TM9SF4: variants seen among roughly 807,000 people sequenced by gnomAD.
TM9SF4 encodes transmembrane 9 superfamily member 4.
Under a neutral mutation model 90.4 loss-of-function variants are expected in TM9SF4, and 26 were observed. The observed-to-expected ratio is 0.29, with a 90% CI of 0.21 to 0.40. The LOEUF is 0.40. Ranked by LOEUF, TM9SF4 falls within the 10% of genes least tolerant of loss-of-function variation. The pLI is 1.00. For synonymous variants in TM9SF4, 293 were observed against 315.4 expected, an observed-to-expected ratio of 0.93 and a Z score of 0.75; for missense variants, 549 against 834.8, an observed-to-expected ratio of 0.66 and a Z score of 4.22.
At chr20:32,121,461 T>G (rs1258664245) in intron 1 of TM9SF4, among the ~76,000 whole-genome samples, 1 of 152,018 alleles carries the variant, frequency 6.6e-6, no homozygotes, top group Non-Finnish European at 1.5e-5. Flanking sequence ...TGCACCGCCC[T>G]TAATCCATTT....
rs1467872499 is a variant in TM9SF4 at position 32,150,204 on chromosome 20, T to A, written c.1088-418T>A. ...CATCTCAGCCTCATGCCTCCAAGCT[T>A]TGTGACCTTGGACAGGCCACTTGAC... On this transcript the variant is annotated intron_variant, in intron 10 of 17. Transcript: ENST00000398022. Among the ~76,000 whole-genome samples, 3 of 152,234 alleles carry A rather than the reference T, an allele frequency of 2.0e-5. No individual in the cohort carries two copies. The East Asian group carries it at 5.8e-4, about 29-fold the overall frequency.
intron 6 of TM9SF4, 118 bp downstream of exon 6, chr20:32,143,223 G>A: frequency 2.3e-6 from 3 of 1,281,248 alleles, no homozygotes; most frequent in Non-Finnish European, 3.2e-6. Flanking sequence ...TGGCGTGTGG[G>A]CCCAGCCAAG....
intron 3 of TM9SF4, among the ~76,000 whole-genome samples, chr20:32,138,456 C>T (rs1457388853): frequency 6.6e-6 from 1 of 152,166 alleles, no homozygotes; most frequent in Admixed American, 6.5e-5. Context: ...TACTAAAATA[C>T]AAAATTTAAA....
chr20:32,147,669 A>G (rs2046782560), intron 9 of TM9SF4, among the ~76,000 whole-genome samples: 1 of 152,172 alleles, frequency 6.6e-6, no homozygotes, highest in Admixed American at 6.5e-5. Flanking sequence ...CCTGACCAAC[A>G]TGTGAAAACT....
intron 1 of TM9SF4, among the ~76,000 whole-genome samples, chr20:32,123,454 G>A (rs559431526): frequency 6.7e-6 from 1 of 148,854 alleles, no homozygotes; most frequent in Admixed American, 6.7e-5. Flanking sequence ...ATGATGCTGA[G>A]CATCTTTTTG....
intron 1 of TM9SF4, among the ~76,000 whole-genome samples, chr20:32,115,216 C>A (rs2046201749): frequency 6.6e-6 from 1 of 152,174 alleles, no homozygotes; most frequent in South Asian, 2.1e-4. Flanking sequence ...TGCCCTTAAT[C>A]CCCCTCAGGA....
intron 1 of TM9SF4, among the ~76,000 whole-genome samples, chr20:32,119,750 C>G (rs1217878600): frequency 6.6e-6 from 1 of 151,922 alleles, no homozygotes; most frequent in Non-Finnish European, 1.5e-5. Flanking sequence ...TTGCCTAACC[C>G]AAGATCACAA....
In TM9SF4 at chr20:32,149,636, A is replaced by T; in HGVS notation, c.957A>T (p.Glu319Asp). Reference sequence around the variant, plus strand: ...CTCACTCTGGCCCTTCGCTGCAGGAAGACACCATGGAGGAGTCTGGGTGGA... The same window carrying T: ...CTCACTCTGGCCCTTCGCTGCAGGATGACACCATGGAGGAGTCTGGGTGGA... ...IANYNKEDDI[E>D]DTMEESGWKL... Residue 319 changes from glutamate (E) to aspartate (D), a missense_variant and splice_region_variant, in exon 10 of 18, where the codon GAA becomes GAT. Physicochemically the swap from Glu to Asp is conservative, Grantham distance 45. Coordinates refer to ENST00000398022, the MANE Select transcript of TM9SF4 (RefSeq NM_014742.4). The T allele has an allele frequency of 6.2e-7, 1 of 1,614,208 alleles. No homozygotes were observed. The highest frequency in any genetic ancestry group is 8.5e-7 in the Non-Finnish European group (1 of 1,180,040).
intron 1 of TM9SF4, among the ~76,000 whole-genome samples, chr20:32,119,418 G>T (rs1423348900): frequency 6.6e-6 from 1 of 152,100 alleles, no homozygotes; most frequent in African/African-American, 2.4e-5. Flanking sequence ...TTTGGTTTGC[G>T]TTTTCCTATT....
intron 1 of TM9SF4, chr20:32,116,370 G>C (rs2046222853): frequency 6.6e-6 from 1 of 152,180 alleles, no homozygotes; most frequent in Non-Finnish European, 1.5e-5. Context: ...CCTGCTGCTT[G>C]GGCTAGCTGA....
At chr20:32,110,359 C>CTAGGG (rs2046124962) in intron 1 of TM9SF4, among the ~76,000 whole-genome samples, 1 of 152,110 alleles carries the variant, frequency 6.6e-6, no homozygotes, top group African/African-American at 2.4e-5. Flanking sequence ...CCCTGCCCTT[C>CTAGGG]CTGTCTTCTC....
chr20:32,113,800 AAG>A lies in TM9SF4; in HGVS notation c.15+4050_15+4051del, dbSNP rs574163782. Among the ~76,000 whole-genome samples, 34 of 152,306 alleles carry A rather than the reference AAG, an allele frequency of 2.2e-4. 1 individual carries two copies. In the Middle Eastern group the frequency reaches 0.01, roughly 46 times the overall value. ...ATTCGGAACATTTCATCACCCCAAA[AAG>A]AGAGTCACTCCCTACTCTTCCCTCC... is the stretch of plus-strand genomic sequence containing the variant. On this transcript the variant is annotated intron_variant, in intron 1 of 17. Coordinates refer to ENST00000398022, the MANE Select transcript of TM9SF4 (RefSeq NM_014742.4).
intron 15 of TM9SF4, 92 bp from the exon 16 acceptor site, chr20:32,159,900 T>A: frequency 6.4e-7 from 1 of 1,557,224 alleles, no homozygotes; most frequent in South Asian, 1.2e-5. Context: ...GTCATGATGA[T>A]GTGTCCACTC....
chr20:32,162,673 C>G (rs2047034506), intron 17 of TM9SF4, among the ~76,000 whole-genome samples: 1 of 152,198 alleles, frequency 6.6e-6, no homozygotes, highest in African/African-American at 2.4e-5. Flanking sequence ...CCCATTCTTT[C>G]TGGACAGCTC....
At position 32,146,724 on chromosome 20, in the gene TM9SF4, A is replaced by G; in HGVS notation, c.884-61A>G. The G allele has an allele frequency of 3.3e-6, 5 of 1,536,516 alleles. No homozygotes were observed. In the South Asian group the frequency reaches 4.5e-5, roughly 14 times the overall value. Reference sequence around the variant, plus strand: ...AGTAAAACATCATGTCTAGGAGGGCATGGAGCATGGGCTTGCTGGCAGCGC... The same window carrying G: ...AGTAAAACATCATGTCTAGGAGGGCGTGGAGCATGGGCTTGCTGGCAGCGC... On this transcript the variant is annotated intron_variant, in intron 8 of 17. Coordinates refer to ENST00000398022, the MANE Select transcript of TM9SF4 (RefSeq NM_014742.4).
chr20:32,149,576 C>G, intron 9 of TM9SF4, 58 bp from the exon 10 acceptor site: 1 of 1,612,840 alleles, frequency 6.2e-7, no homozygotes, highest in Non-Finnish European at 8.5e-7. Flanking sequence ...TGGGGGTGGT[C>G]CCTGCAAGAG....
Position 32,145,399 on chromosome 20 carries a change from G to A in TM9SF4, c.859G>A (p.Val287Ile), listed in dbSNP as rs760718030. The A allele has an allele frequency of 3.1e-6, 5 of 1,613,986 alleles. 1 individual carries two copies. The highest frequency in any genetic ancestry group is 2.2e-5 in the East Asian group (1 of 44,890). Residue 287 changes from valine to isoleucine, a missense_variant, in exon 8 of 18, where the codon GTT becomes ATT. Coordinates refer to ENST00000398022, the MANE Select transcript of TM9SF4 (RefSeq NM_014742.4). ...QIHWFSIINSVVVVFFLSGIL... is the reference protein window; with the variant it reads ...QIHWFSIINSIVVVFFLSGIL... ...CCACTGGTTTTCTATCATTAACTCCGTTGTTGTGGTCTTCTTCCTGTCAGG... is the reference window on the plus strand; with the variant it reads ...CCACTGGTTTTCTATCATTAACTCCATTGTTGTGGTCTTCTTCCTGTCAGG...
intron 16 of TM9SF4, 94 bp downstream of exon 16, chr20:32,160,205 C>T: frequency 1.3e-6 from 2 of 1,553,426 alleles, no homozygotes; most frequent in South Asian, 1.2e-5. Context: ...GGTCTGGGCT[C>T]TTCATGTGGC....
chr20:32,115,154 T>C (rs1386444547), intron 1 of TM9SF4, among the ~76,000 whole-genome samples: 1 of 152,208 alleles, frequency 6.6e-6, no homozygotes, highest in Non-Finnish European at 1.5e-5. Flanking sequence ...GCTGAGGTGC[T>C]GACATCGGGC....
Sources: allele counts gnomAD v4.1 joint callset (sites outside exome capture counted in the v4.1 genomes callset), GRCh38; gene constraint gnomAD v4.1.1; transcripts MANE v1.5; gene names NCBI Gene and HGNC (gene_info 2026-07-23, HGNC 2026-07-21).